Variants in POGZ observed in about 807,000 individuals in gnomAD.
POGZ encodes the protein pogo transposable element with ZNF domain.
A neutral mutation model predicts 134.6 loss-of-function variants in POGZ; 17 were observed. The ratio of observed to expected loss-of-function variants is 0.13; its 90% CI spans 0.09 to 0.19. The LOEUF (loss-of-function observed/expected upper bound fraction) is 0.19, where lower values mean the gene tolerates loss of function less well. Among genes scored for constraint, POGZ ranks in the 10% least tolerant of loss-of-function variants. The pLI, the probability that POGZ is intolerant of heterozygous loss-of-function variation, is 1.00. For synonymous variants in POGZ, 693 were observed against 657.1 expected, an observed-to-expected ratio of 1.05 and a Z score of -0.84; for missense variants, 1,306 against 1,769.7, an observed-to-expected ratio of 0.74 and a Z score of 4.70.
intron 10 of POGZ, among the ~76,000 whole-genome samples, chr1:151,413,316 C>T (rs1655011765): frequency 1.3e-5 from 2 of 151,756 alleles, no homozygotes; most frequent in African/African-American, 4.8e-5. Flanking sequence ...GACAGGGTCT[C>T]GCCATGTTGC....
In POGZ at chr1:151,406,381, G is replaced by T; in HGVS notation, c.2654C>A (p.Ala885Asp). The stretch of plus-strand genomic sequence containing the variant: ...GGTGGCCCCCGCAGATTTCACAGTG[G>T]CAGCTTTGTTAGTGGGGAAGGAAGG... ...PPPSFPTNKA[A>D]TVKSAGATPA... The change falls in exon 19 of 19, where the codon GCC becomes GAC. Residue 885 changes from alanine to aspartate, a missense_variant. Physicochemically the swap from Ala to Asp is moderately radical, Grantham distance 126. This residue lies in a region of POGZ where 214 missense variants were observed against 255.5 expected (regional missense o/e 0.84). Transcript: ENST00000271715. 4 of 1,582,090 alleles carry T rather than the reference G, an allele frequency of 2.5e-6. No homozygotes were observed. Among genetic ancestry groups the T allele is most frequent in the Non-Finnish European group, 3.4e-6 (4 of 1,165,820 alleles).
At chr1:151,452,878 A>T (rs1662303604) in intron 1 of POGZ, among the ~76,000 whole-genome samples, 2 of 147,672 alleles carry the variant, frequency 1.4e-5, no homozygotes, top group East Asian at 2.0e-4. Context: ...AAAAAAAGTC[A>T]CTCTGTCTAG....
At chr1:151,450,514 G>A (rs1399671783) in intron 1 of POGZ, among the ~76,000 whole-genome samples, 1 of 151,986 alleles carries the variant, frequency 6.6e-6, no homozygotes, top group Non-Finnish European at 1.5e-5. Flanking sequence ...TACCACGCCT[G>A]GTTAATTTTT....
At chr1:151,446,930 G>A (rs183563819) in intron 1 of POGZ, among the ~76,000 whole-genome samples, 1 of 152,130 alleles carries the variant, frequency 6.6e-6, no homozygotes, top group East Asian at 1.9e-4. Flanking sequence ...AGTTAGACAT[G>A]TATTCGTCAC....
intron 3 of POGZ, among the ~76,000 whole-genome samples, chr1:151,440,299 G>A (rs1571528669): frequency 6.6e-6 from 1 of 151,414 alleles, no homozygotes; most frequent in Non-Finnish European, 1.5e-5. Flanking sequence ...CCCTCGCAGC[G>A]ATGCAATGAC....
At chr1:151,444,058 T>C (rs1388986776) in intron 1 of POGZ, among the ~76,000 whole-genome samples, 2 of 152,184 alleles carry the variant, frequency 1.3e-5, no homozygotes, top group African/African-American at 2.4e-5. Context: ...CGCTTGAAAA[T>C]TGAAAACAAT....
chr1:151,405,541 G>C lies in POGZ; in HGVS notation c.3494C>G (p.Ala1165Gly), dbSNP rs758351527. The change falls in exon 19 of 19, where the codon GCA (alanine) becomes GGA (glycine). Residue 1165 changes from alanine (A) to glycine (G), a missense_variant. Ala to Gly is a moderately conservative substitution (Grantham distance 60). Transcript: ENST00000271715. The surrounding 1 kb of genome is among the most constrained non-coding windows in gnomAD (Gnocchi z 4.9). ...CAGGGTGGGAAGGACAGTGCCATCT[G>C]CCAGAATGGCTAGGACTACATCACA... The part of the protein sequence containing the change: ...PWCDVVLAIL[A>G]DGTVLPTLVF... 1.2e-6 allele frequency: 2 copies of C among 1,614,208 alleles called. No individual in the cohort carries two copies. Among genetic ancestry groups the C allele is most frequent in the African/African-American group, 1.3e-5 (1 of 75,058 alleles).
chr1:151,423,643 C>T (rs1416620205), intron 9 of POGZ, 92 bp from the exon 10 acceptor site: 3 of 988,358 alleles, frequency 3.0e-6, no homozygotes, highest in Non-Finnish European at 4.5e-6. Flanking sequence ...CAAACATTAT[C>T]TGCTCCCCTC....
chr1:151,404,196 AAGAG>A lies in POGZ; in HGVS notation c.*602_*605del. 6 of 985,678 alleles carry A rather than the reference AAGAG, an allele frequency of 6.1e-6. No individual in the cohort carries two copies. Among genetic ancestry groups the A allele is most frequent in the South Asian group, 4.7e-5 (1 of 21,286 alleles). The allele number at this position is 985,678 out of a possible 1,614,324, so 61.1% of individuals were successfully genotyped here. On this transcript the variant is annotated 3_prime_UTR_variant, in exon 19 of 19. Transcript: ENST00000271715. ...GAGGGAAGGAAAGAAAAGGAGAAGG[AAGAG>A]AGAGTTCAGTGGGACTTTTTTTCCA...
intron 3 of POGZ, among the ~76,000 whole-genome samples, chr1:151,437,946 C>T (rs775306855): frequency 5.3e-5 from 8 of 151,760 alleles, no homozygotes; most frequent in Non-Finnish European, 1.0e-4. Flanking sequence ...CAGTAGCTCA[C>T]GCCTGTAATC....
In POGZ at chr1:151,423,998, T is replaced by C; in HGVS notation, c.1474A>G (p.Thr492Ala). Residue 492 changes from threonine (T) to alanine (A), a missense_variant, in exon 9 of 19, where the codon ACA becomes GCA. Thr to Ala is a moderately conservative substitution (Grantham distance 58, BLOSUM62 0). Coordinates refer to ENST00000271715, the MANE Select transcript of POGZ (RefSeq NM_015100.4). ...GTACAATGTGGGCATCGGAAAGATGTGGCGACCTTAGGGAAATTTGTGAGC... is the reference window on the plus strand; with the variant it reads ...GTACAATGTGGGCATCGGAAAGATGCGGCGACCTTAGGGAAATTTGTGAGC... Reference protein sequence around the residue: ...AQLTNFPKVATSFRCPHCTKR... With the variant: ...AQLTNFPKVAASFRCPHCTKR... 1 of 1,614,202 alleles carries C rather than the reference T, an allele frequency of 6.2e-7. No individual in the cohort carries two copies. The highest frequency in any genetic ancestry group is 8.5e-7 in the Non-Finnish European group (1 of 1,180,032).
At chr1:151,413,299 T>G (rs1655007939) in intron 10 of POGZ, among the ~76,000 whole-genome samples, 1 of 151,892 alleles carries the variant, frequency 6.6e-6, no homozygotes, top group African/African-American at 2.4e-5. Context: ...AAATTTTTTT[T>G]TGTAGGGACA....
chr1:151,431,619 C>A (rs1282437769), intron 3 of POGZ, among the ~76,000 whole-genome samples: 1 of 152,068 alleles, frequency 6.6e-6, no homozygotes, highest in Non-Finnish European at 1.5e-5. Context: ...AATCAGAAGA[C>A]CTGGACAAAA....
At chr1:151,436,585 A>G (rs888937274) in intron 3 of POGZ, among the ~76,000 whole-genome samples, 5 of 152,182 alleles carry the variant, frequency 3.3e-5, no homozygotes, top group African/African-American at 9.7e-5. Flanking sequence ...CTGGGATTGC[A>G]GGCATGCACC....
chr1:151,412,700 C>A (rs946820728), intron 10 of POGZ, among the ~76,000 whole-genome samples: 12 of 152,144 alleles, frequency 7.9e-5, no homozygotes, highest in Non-Finnish European at 1.2e-4. Context: ...CACTGTTTCC[C>A]TTTTTCCTTT....
chr1:151,416,407 CAGG>C (rs943632388), intron 10 of POGZ, among the ~76,000 whole-genome samples: 28 of 151,936 alleles, frequency 1.8e-4, no homozygotes, highest in African/African-American at 6.5e-4. Flanking sequence ...AAGGATGAGG[CAGG>C]AGAACTGCCT....
chr1:151,413,011 C>T (rs1423909398), intron 10 of POGZ, among the ~76,000 whole-genome samples: 1 of 151,782 alleles, frequency 6.6e-6, no homozygotes, highest in Non-Finnish European at 1.5e-5. Flanking sequence ...TTCATGTTGG[C>T]CAGGTTGGTC....
chr1:151,404,531 TTA>T lies in POGZ; in HGVS notation c.*269_*270del. The T allele has an allele frequency of 3.6e-6, 4 of 1,121,244 alleles. No individual in the cohort carries two copies. Among genetic ancestry groups the T allele is most frequent in the Non-Finnish European group, 3.3e-6 (3 of 916,434 alleles). 69.5% of individuals were successfully genotyped at this position (1,121,244 alleles called of 1,614,324 possible). ...AAATACCAAACACAGTGATTTAAAT[TTA>T]AAAAAAAAAAAAGTCACAAAAACCT... On this transcript the variant is annotated 3_prime_UTR_variant, in exon 19 of 19. Coordinates refer to ENST00000271715, the MANE Select transcript of POGZ (RefSeq NM_015100.4).
chr1:151,426,961 T>C (rs1657891366), intron 7 of POGZ: 1 of 152,168 alleles, frequency 6.6e-6, no homozygotes, highest in Admixed American at 6.5e-5. Context: ...TGCAGTGGCA[T>C]GCTCATGGCT....
Sources: allele counts gnomAD v4.1 joint callset (sites outside exome capture counted in the v4.1 genomes callset), GRCh38; gene constraint gnomAD v4.1.1; regional missense constraint gnomAD v4.1.1; non-coding constraint Gnocchi (gnomAD v3.1); transcripts MANE v1.5; gene names NCBI Gene and HGNC (gene_info 2026-07-23, HGNC 2026-07-21).